SLC35F1: variants seen among roughly 807,000 people sequenced by gnomAD.
SLC35F1 encodes chromosome 6 open reading frame 169.
Under a neutral mutation model 48.7 loss-of-function variants are expected in SLC35F1, and 14 were observed. The ratio of observed to expected loss-of-function variants is 0.29; its 90% CI spans 0.19 to 0.45. The LOEUF (loss-of-function observed/expected upper bound fraction) is 0.45, where lower values mean the gene tolerates loss of function less well. Ranked by LOEUF, SLC35F1 falls within the 20% of genes least tolerant of loss-of-function variation. The pLI, the probability that SLC35F1 is intolerant of heterozygous loss-of-function variation, is 1.00. For synonymous variants in SLC35F1, 190 were observed against 202.2 expected, an observed-to-expected ratio of 0.94 and a Z score of 0.51; for missense variants, 404 against 500.0, an observed-to-expected ratio of 0.81 and a Z score of 1.83.
intron 1 of SLC35F1, among the ~76,000 whole-genome samples, chr6:118,105,261 A>C (rs1773312766): frequency 6.6e-6 from 1 of 152,158 alleles, no homozygotes; most frequent in African/African-American, 2.4e-5. Flanking sequence ...TAATTGGTTC[A>C]CAAGCCTCAT....
chr6:118,045,754 G>A (rs138564039), intron 1 of SLC35F1, among the ~76,000 whole-genome samples: 1 of 152,192 alleles, frequency 6.6e-6, no homozygotes, highest in Non-Finnish European at 1.5e-5. Context: ...AGATGACGCT[G>A]ATGAAGTTAT....
chr6:118,152,465 A>C (rs1042718000), intron 1 of SLC35F1, among the ~76,000 whole-genome samples: 8 of 152,150 alleles, frequency 5.3e-5, no homozygotes, highest in Admixed American at 3.3e-4. Context: ...ATTAGGCAGC[A>C]ATCTTTCGGG....
chr6:118,175,722 C>T (rs972963554), intron 2 of SLC35F1, among the ~76,000 whole-genome samples: 3 of 152,048 alleles, frequency 2.0e-5, no homozygotes, highest in African/African-American at 7.2e-5. Flanking sequence ...TAAAAGTTAA[C>T]ATTTTTCTGT....
chr6:118,221,182 C>A (rs562769253), intron 2 of SLC35F1, among the ~76,000 whole-genome samples: 8 of 152,110 alleles, frequency 5.3e-5, no homozygotes, highest in Non-Finnish European at 1.0e-4. Flanking sequence ...GCTTCTGAAG[C>A]TTCCATACTG....
At chr6:118,065,939 G>T (rs1772607706) in intron 1 of SLC35F1, among the ~76,000 whole-genome samples, 1 of 151,996 alleles carries the variant, frequency 6.6e-6, no homozygotes, top group African/African-American at 2.4e-5. Flanking sequence ...ACTTACTTAT[G>T]TTTATTTTTT....
chr6:118,120,766 C>G (rs190261447), intron 1 of SLC35F1, among the ~76,000 whole-genome samples: 1 of 151,958 alleles, frequency 6.6e-6, no homozygotes, highest in Admixed American at 6.6e-5. Context: ...TGAAATATTC[C>G]GCACTGAAAC....
At chr6:117,976,400 CAAAT>C (rs1232432071) in intron 1 of SLC35F1, among the ~76,000 whole-genome samples, 1 of 152,040 alleles carries the variant, frequency 6.6e-6, no homozygotes, top group East Asian at 1.9e-4. Context: ...TGTAAGAAAA[CAAAT>C]AACATAGTTG....
At chr6:118,012,548 C>T (rs1181180304) in intron 1 of SLC35F1, among the ~76,000 whole-genome samples, 1 of 152,136 alleles carries the variant, frequency 6.6e-6, no homozygotes, top group Non-Finnish European at 1.5e-5. Flanking sequence ...CCTGCTGCTT[C>T]CTTCCATATT....
At chr6:118,084,288 G>T (rs111952214) in intron 1 of SLC35F1, among the ~76,000 whole-genome samples, 3,156 of 152,026 alleles carry the variant, frequency 0.021, 46 homozygotes, top group Middle Eastern at 0.096. Flanking sequence ...GAGATAAAAC[G>T]ATACAAATTA....
At chr6:118,236,490 T>C (rs1334006261) in intron 3 of SLC35F1, among the ~76,000 whole-genome samples, 1 of 152,180 alleles carries the variant, frequency 6.6e-6, no homozygotes, top group Non-Finnish European at 1.5e-5. Context: ...TCTATTTGCT[T>C]ACGAACAATA....
At chr6:118,037,397 T>C (rs2114898499) in intron 1 of SLC35F1, among the ~76,000 whole-genome samples, 1 of 152,316 alleles carries the variant, frequency 6.6e-6, no homozygotes, top group African/African-American at 2.4e-5. Context: ...GTGTTAATTT[T>C]CTCTGCTTTT....
intron 1 of SLC35F1, among the ~76,000 whole-genome samples, chr6:118,128,374 T>C (rs113023125): frequency 0.28 from 38,240 of 136,854 alleles, 4,951 homozygotes; most frequent in Non-Finnish European, 0.38. Context: ...ATGTTTATTG[T>C]GGCACTATTC....
chr6:118,274,489 C>T (rs1421198021), intron 4 of SLC35F1, among the ~76,000 whole-genome samples: 1 of 152,160 alleles, frequency 6.6e-6, no homozygotes, highest in African/African-American at 2.4e-5. Flanking sequence ...CTCCACCTCC[C>T]GGGTTCTGAG....
chr6:118,144,192 G>A (rs1364096470), intron 1 of SLC35F1, among the ~76,000 whole-genome samples: 1 of 152,114 alleles, frequency 6.6e-6, no homozygotes, highest in Non-Finnish European at 1.5e-5. Context: ...CAACCCAAAT[G>A]CCCATCAATG....
intron 1 of SLC35F1, among the ~76,000 whole-genome samples, chr6:117,991,378 CA>C (rs1776917871): frequency 6.6e-6 from 1 of 152,038 alleles, no homozygotes; most frequent in Admixed American, 6.5e-5. Context: ...AATCCAAAGA[CA>C]ATCACTCTTC....
chr6:118,257,309 A>G (rs1775658175), intron 3 of SLC35F1, among the ~76,000 whole-genome samples: 1 of 152,128 alleles, frequency 6.6e-6, no homozygotes, highest in Non-Finnish European at 1.5e-5. Flanking sequence ...AAAAGTTTTG[A>G]GGAAAAAAAA....
At chr6:118,295,471 A>G (rs1449035476) in intron 7 of SLC35F1, among the ~76,000 whole-genome samples, 2 of 152,138 alleles carry the variant, frequency 1.3e-5, no homozygotes, top group Non-Finnish European at 2.9e-5. Flanking sequence ...GAGTTTACAG[A>G]GACTGGAAAC....
chr6:117,947,093 T>G (rs1012588000), intron 1 of SLC35F1, among the ~76,000 whole-genome samples: 2 of 152,182 alleles, frequency 1.3e-5, no homozygotes, highest in African/African-American at 4.8e-5. Flanking sequence ...GGAAGGGTAA[T>G]ATAAAGTATG....
intron 1 of SLC35F1, among the ~76,000 whole-genome samples, chr6:118,115,523 T>C (rs554348974): frequency 6.6e-6 from 1 of 152,318 alleles, no homozygotes; most frequent in Admixed American, 6.5e-5. Flanking sequence ...TTGGGGGGTT[T>C]CCCACCAGAT....
Sources: allele counts gnomAD v4.1 joint callset (sites outside exome capture counted in the v4.1 genomes callset), GRCh38; gene constraint gnomAD v4.1.1; transcripts MANE v1.5; gene names NCBI Gene and HGNC (gene_info 2026-07-23, HGNC 2026-07-21).